The following RASEF variants were observed in gnomAD, a reference collection of about 807,000 sequenced individuals.
RASEF encodes the protein RAS and EF-hand domain containing.
A neutral mutation model predicts 90.1 loss-of-function variants in RASEF; 68 were observed. That is an observed-to-expected ratio of 0.75 (90% CI 0.62 to 0.92). RASEF has a LOEUF of 0.92. Ranked by LOEUF, RASEF falls within the 40% of genes least tolerant of loss-of-function variation. The pLI, the probability that RASEF is intolerant of heterozygous loss-of-function variation, is 0.00. For missense variants in RASEF, 949 were observed against 937.2 expected, an observed-to-expected ratio of 1.01 and a Z score of -0.16; for synonymous variants, 331 against 345.2, an observed-to-expected ratio of 0.96 and a Z score of 0.46.
At chr9:83,195,910 G>C in the RASEF span, among the ~76,000 whole-genome samples, 19 of 152,252 alleles carry the variant, frequency 1.2e-4, 1 homozygote, top group Admixed American at 1.1e-3. Context: ...TAGGAGTAGT[G>C]GGAAGTGGGA....
At chr9:83,142,456 T>A in the RASEF span, among the ~76,000 whole-genome samples, 5 of 152,200 alleles carry the variant, frequency 3.3e-5, no homozygotes, top group African/African-American at 1.2e-4. Context: ...GTAAACAATA[T>A]TTTTCCCATA....
chr9:83,107,621 C>A, the RASEF span, among the ~76,000 whole-genome samples: 2 of 152,336 alleles, frequency 1.3e-5, no homozygotes, highest in East Asian at 3.9e-4. Context: ...GCTAAATCAA[C>A]AGACATATTT....
chr9:82,996,553 T>C (rs1033772999), intron 14 of RASEF, among the ~76,000 whole-genome samples: 3 of 152,052 alleles, frequency 2.0e-5, no homozygotes, highest in Non-Finnish European at 4.4e-5. Flanking sequence ...CAGAATAAGG[T>C]TGAGAAGAGA....
intron 16 of RASEF, among the ~76,000 whole-genome samples, chr9:82,983,985 A>T (rs1280277925): frequency 6.6e-6 from 1 of 152,200 alleles, no homozygotes; most frequent in African/African-American, 2.4e-5. Context: ...CACCTCTGCC[A>T]ACTGTGAGAA....
At chr9:83,083,598 C>T in the RASEF span, among the ~76,000 whole-genome samples, 2 of 151,998 alleles carry the variant, frequency 1.3e-5, no homozygotes, top group African/African-American at 4.8e-5. Flanking sequence ...TAGACACACA[C>T]AAAATACAAA....
At chr9:83,121,705 G>C in the RASEF span, among the ~76,000 whole-genome samples, 1 of 152,096 alleles carries the variant, frequency 6.6e-6, no homozygotes, top group African/African-American at 2.4e-5. Context: ...TGGCACTCTT[G>C]GTTGTGAACT....
the RASEF span, among the ~76,000 whole-genome samples, chr9:83,113,668 TTGAGA>T: frequency 6.6e-6 from 1 of 152,124 alleles, no homozygotes; most frequent in Non-Finnish European, 1.5e-5. Flanking sequence ...TCTTATGCGG[TTGAGA>T]TAAGGACTGA....
At chr9:83,126,863 T>G in the RASEF span, among the ~76,000 whole-genome samples, 2 of 152,236 alleles carry the variant, frequency 1.3e-5, no homozygotes, top group African/African-American at 4.8e-5. Flanking sequence ...TTTTTTAAGT[T>G]ACTAGGGCTA....
intron 9 of RASEF, among the ~76,000 whole-genome samples, chr9:83,004,249 C>T (rs1829088716): frequency 6.6e-6 from 1 of 152,122 alleles, no homozygotes; most frequent in Non-Finnish European, 1.5e-5. Flanking sequence ...AGAAACAAGA[C>T]ATGATTAGAG....
chr9:82,995,929 T>C (rs1041402382), intron 14 of RASEF, among the ~76,000 whole-genome samples: 2 of 152,236 alleles, frequency 1.3e-5, no homozygotes, highest in Admixed American at 6.5e-5. Flanking sequence ...TAATATGTTT[T>C]CTTATTTCAT....
intron 1 of RASEF, among the ~76,000 whole-genome samples, chr9:83,062,205 G>T (rs994203420): frequency 1.3e-5 from 2 of 152,192 alleles, no homozygotes; most frequent in Admixed American, 6.5e-5. Flanking sequence ...GCCGCCCTTT[G>T]CAGGCTCAGG....
Position 82,981,120 on chromosome 9 carries a change from T to C in RASEF, c.*1557A>G, listed in dbSNP as rs1373818780. ...AACAAAAATAAATGTTTTTAGCTTA[T>C]ACAATACAATAAATAACAGCTACTT... On this transcript the variant is annotated 3_prime_UTR_variant, in exon 17 of 17. Coordinates refer to ENST00000376447, the MANE Select transcript of RASEF (RefSeq NM_152573.4). 2.0e-5 allele frequency: 3 copies of C among 152,238 alleles called. 1 individual carries two copies. In the East Asian group the frequency reaches 5.8e-4, roughly 29 times the overall value. 9.4% of individuals were successfully genotyped at this position (152,238 alleles called of 1,614,324 possible).
chr9:83,218,179 G>A, the RASEF span, among the ~76,000 whole-genome samples: 1 of 152,126 alleles, frequency 6.6e-6, no homozygotes, highest in African/African-American at 2.4e-5. Context: ...ACTCCATTAG[G>A]GAAAAAGAAA....
intron 10 of RASEF, 123 bp from the exon 11 acceptor site, chr9:83,000,693 CT>C (rs2118444449): frequency 3.1e-6 from 3 of 958,330 alleles, no homozygotes; most frequent in Admixed American, 2.9e-5. Flanking sequence ...ACAGTCAATG[CT>C]ATTAATATTA....
the RASEF span, among the ~76,000 whole-genome samples, chr9:83,092,001 T>TTC: frequency 7.5e-6 from 1 of 132,550 alleles, no homozygotes; most frequent in Non-Finnish European, 1.6e-5. Flanking sequence ...TTTCTTTTAT[T>TTC]TCTTTTTTTT....
At chr9:83,144,875 A>G in the RASEF span, among the ~76,000 whole-genome samples, 2 of 152,204 alleles carry the variant, frequency 1.3e-5, no homozygotes, top group Non-Finnish European at 2.9e-5. Flanking sequence ...TCAGAATGAC[A>G]AGGATAATCT....
the RASEF span, among the ~76,000 whole-genome samples, chr9:83,209,946 T>G: frequency 0.4 from 60,948 of 152,058 alleles, 12,991 homozygotes; most frequent in African/African-American, 0.56. Flanking sequence ...GTTGCTAAGT[T>G]ACAAGAAGTT....
chr9:83,164,852 C>G, the RASEF span, among the ~76,000 whole-genome samples: 1 of 151,818 alleles, frequency 6.6e-6, no homozygotes, highest in Non-Finnish European at 1.5e-5. Context: ...GTTGGAGTAG[C>G]TATATTAATT....
chr9:83,144,378 AGAAAGAAAGAAAG>A, the RASEF span, among the ~76,000 whole-genome samples: 88 of 58,052 alleles, frequency 1.5e-3, 2 homozygotes, highest in African/African-American at 5.8e-3. Flanking sequence ...AAAGAAAGAA[AGAAAGAAAGAAAG>A]GAAAGAAAGA....
Sources: gnomAD v4.1 joint callset for allele counts (sites outside exome capture counted in the v4.1 genomes callset) on GRCh38, gnomAD v4.1.1 for gene constraint, MANE v1.5 for transcripts, NCBI Gene and HGNC (gene_info 2026-07-23, HGNC 2026-07-21) for gene names.